The following SPRR2F variants were observed in gnomAD, a reference collection of about 807,000 sequenced individuals.
The protein encoded by SPRR2F is small proline-rich protein 2F.
In SPRR2F, 2 loss-of-function variants were observed where a neutral mutation model predicts 0.8. The observed-to-expected ratio is 2.52, with a 90% CI of 1.03 to 7.95. The LOEUF is 7.95. SPRR2F is among the 30% of genes most tolerant of loss of function. The pLI, the probability that SPRR2F is intolerant of heterozygous loss-of-function variation, is 0.04. For missense variants in SPRR2F, 80 were observed against 85.8 expected, an observed-to-expected ratio of 0.93 and a Z score of 0.27; for synonymous variants, 39 against 33.4, an observed-to-expected ratio of 1.17 and a Z score of -0.58.
At chr1:153,116,119 C>A (rs1326260766), upstream of SPRR2F, among the ~76,000 whole-genome samples, 1 of 152,158 alleles carries the variant, frequency 6.6e-6, no homozygotes, top group African/African-American at 2.4e-5. Flanking sequence ...TGAATTTCTG[C>A]TTCTGTTTTA....
chr1:153,113,112 G>A (rs1414468598), intron 1 of SPRR2F, among the ~76,000 whole-genome samples: 1 of 152,158 alleles, frequency 6.6e-6, no homozygotes, highest in Non-Finnish European at 1.5e-5. Flanking sequence ...ATCCCAGTGG[G>A]TTGACATAGG....
upstream of SPRR2F, among the ~76,000 whole-genome samples, chr1:153,116,402 T>C (rs1481265484): frequency 1.3e-5 from 2 of 152,250 alleles, no homozygotes; most frequent in Non-Finnish European, 2.9e-5. Context: ...ATTTTTATTT[T>C]CTTATTTTCC....
In SPRR2F at chr1:153,112,527, G is replaced by C. The variant is rs769179694; in HGVS notation, c.207C>G (p.Pro69=). 25 of 1,612,250 alleles carry C rather than the reference G, an allele frequency of 1.6e-5. No individual in the cohort carries two copies. Among genetic ancestry groups the C allele is most frequent in the Middle Eastern group, 1.9e-4 (1 of 5,272 alleles). Residue 69 remains proline, a synonymous_variant, in exon 2 of 2, where the codon CCC becomes CCG. Coordinates refer to ENST00000468739, the MANE Select transcript of SPRR2F (RefSeq NM_001014450.3). Reference sequence around the variant, plus strand: ...AATCCTGAAGCTGTTACTTGCTCTTGGGTGGACACTTTGGCTGGCAGGGTG... The same window carrying C: ...AATCCTGAAGCTGTTACTTGCTCTTCGGTGGACACTTTGGCTGGCAGGGTG... The part of the protein sequence containing the change: ...PSPPCQPKCP[P]KSK
chr1:153,119,184 A>T, the SPRR2F span, among the ~76,000 whole-genome samples: 1 of 152,234 alleles, frequency 6.6e-6, no homozygotes, highest in Non-Finnish European at 1.5e-5. Context: ...GAAGAAATGA[A>T]GGACAAACAA....
At position 153,112,425 on chromosome 1, in the gene SPRR2F, T is replaced by A. The variant is rs1655610694; in HGVS notation, c.*90A>T. 2 of 1,535,420 alleles carry A rather than the reference T, an allele frequency of 1.3e-6. No homozygotes were observed. Among genetic ancestry groups the A allele is most frequent in the Non-Finnish European group, 1.8e-6 (2 of 1,139,346 alleles). On this transcript the variant is annotated 3_prime_UTR_variant, in exon 2 of 2. Transcript: ENST00000468739. The stretch of plus-strand genomic sequence containing the variant: ...AAGAAGCTCCCTGTGTATCCCTGGA[T>A]GGCTTTGATGAGAAGATGCAGGTGG...
At chr1:153,117,797 T>A (rs1384263485), upstream of SPRR2F, among the ~76,000 whole-genome samples, 1 of 152,052 alleles carries the variant, frequency 6.6e-6, no homozygotes, top group Non-Finnish European at 1.5e-5. Context: ...AGACAGTGAA[T>A]GTGCATGGAT....
chr1:153,113,280 T>C (rs1655644485), intron 1 of SPRR2F, among the ~76,000 whole-genome samples, 194 bp downstream of exon 1: 1 of 152,210 alleles, frequency 6.6e-6, no homozygotes. Flanking sequence ...AACTTCTCTG[T>C]CCATATGAAC....
the SPRR2F span, among the ~76,000 whole-genome samples, chr1:153,118,948 C>A: frequency 6.6e-6 from 1 of 152,066 alleles, no homozygotes. Flanking sequence ...TTGGTGAAAT[C>A]AATAACATAA....
upstream of SPRR2F, among the ~76,000 whole-genome samples, chr1:153,115,410 A>G (rs1655705091): frequency 1.3e-5 from 2 of 152,188 alleles, no homozygotes; most frequent in African/African-American, 4.8e-5. Flanking sequence ...GTGTAAGATA[A>G]TACAGTTTGA....
At chr1:153,113,799 T>A (rs1448305986), upstream of SPRR2F, among the ~76,000 whole-genome samples, 1 of 152,034 alleles carries the variant, frequency 6.6e-6, no homozygotes. Context: ...AAGGGCTCTC[T>A]TTTTTGACTG....
upstream of SPRR2F, chr1:153,113,543 A>T (rs1164930357): frequency 6.6e-6 from 1 of 152,224 alleles, no homozygotes; most frequent in Non-Finnish European, 1.5e-5. Flanking sequence ...AAACCTCTTT[A>T]TAGGGCCTGC....
At chr1:153,113,944 C>T (rs1047301314), upstream of SPRR2F, among the ~76,000 whole-genome samples, 12 of 147,640 alleles carry the variant, frequency 8.1e-5, no homozygotes, top group African/African-American at 1.8e-4. Context: ...TTTGCCAATG[C>T]GCTAAAAGGA....
At chr1:153,116,057 A>G (rs990222358), upstream of SPRR2F, among the ~76,000 whole-genome samples, 3 of 152,206 alleles carry the variant, frequency 2.0e-5, no homozygotes, top group Admixed American at 6.5e-5. Context: ...AAGAAGAAAC[A>G]GGAATTGTGG....
At chr1:153,113,591 C>T (rs1655649867), upstream of SPRR2F, 1 of 152,236 alleles carries the variant, frequency 6.6e-6, no homozygotes, top group African/African-American at 2.4e-5. Flanking sequence ...CCAAAAGCTA[C>T]ACTTATCCAG....
the SPRR2F span, among the ~76,000 whole-genome samples, chr1:153,119,330 T>A: frequency 2.6e-5 from 4 of 152,220 alleles, no homozygotes; most frequent in African/African-American, 9.6e-5. Flanking sequence ...GATCCAACTC[T>A]ATGCTATTTA....
chr1:153,116,422 T>TA (rs1655722984), upstream of SPRR2F, among the ~76,000 whole-genome samples: 1 of 152,222 alleles, frequency 6.6e-6, no homozygotes, highest in Non-Finnish European at 1.5e-5. Context: ...CTTTTCAAAA[T>TA]ATTCTCCAAA....
At position 153,112,379 on chromosome 1, in the gene SPRR2F, GC is replaced by G. The variant is rs1239501769; in HGVS notation, c.*135del. On this transcript the variant is annotated 3_prime_UTR_variant, in exon 2 of 2. Coordinates refer to ENST00000468739, the MANE Select transcript of SPRR2F (RefSeq NM_001014450.3). ...CTTTTGCTATCAGAGATCATCACAGGCCGATCACAGGCTAAGAGGAAAGAAG... is the reference window on the plus strand; with the variant it reads ...CTTTTGCTATCAGAGATCATCACAGGCGATCACAGGCTAAGAGGAAAGAAG... 2.2e-5 allele frequency: 32 copies of G among 1,452,216 alleles called. No homozygotes were observed. Among genetic ancestry groups the G allele is most frequent in the African/African-American group, 4.3e-5 (3 of 70,234 alleles). 90.0% of individuals were successfully genotyped at this position (1,452,216 alleles called of 1,614,324 possible).
Position 153,112,756 on chromosome 1 carries a change from A to C in SPRR2F, c.-19-4T>G, listed in dbSNP as rs72480208. 0.036 allele frequency: 58,306 copies of C among 1,610,896 alleles called. 6,417 individuals carry two copies. In the East Asian group the frequency reaches 0.39, roughly 11 times the overall value. ...CATCCTGCTGGAGTCTCAGAATCTG[A>C]AAGAAATTATATGACAGTGTTCACG... is the stretch of plus-strand genomic sequence containing the variant. On this transcript the variant is annotated splice_polypyrimidine_tract_variant and splice_region_variant and intron_variant, in intron 1 of 1. Transcript: ENST00000468739.
the SPRR2F span, among the ~76,000 whole-genome samples, chr1:153,118,692 A>T: frequency 6.6e-6 from 1 of 152,178 alleles, no homozygotes; most frequent in African/African-American, 2.4e-5. Flanking sequence ...TTGCTCCTAG[A>T]TTTCCTGTGT....
Sources: allele counts gnomAD v4.1 joint callset (sites outside exome capture counted in the v4.1 genomes callset), GRCh38; gene constraint gnomAD v4.1.1; transcripts MANE v1.5; gene names NCBI Gene and HGNC (gene_info 2026-07-23, HGNC 2026-07-21).